Variants in JMJD1C observed in about 807,000 individuals in gnomAD.
JMJD1C encodes the protein jumonji domain containing 1C.
JMJD1C carries 31 observed loss-of-function variants against 245.3 expected under a neutral mutation model. That is an observed-to-expected ratio of 0.13 (90% CI 0.09 to 0.17). The LOEUF is 0.17. JMJD1C is among the 10% of genes least tolerant of loss of function. JMJD1C has a pLI of 1.00. For missense variants in JMJD1C, 2,691 were observed against 3,000.2 expected, an observed-to-expected ratio of 0.90 and a Z score of 2.41; for synonymous variants, 1,057 against 1,017.4, an observed-to-expected ratio of 1.04 and a Z score of -0.74.
rs766259232 is a variant in JMJD1C at position 63,177,713 on chromosome 10, A to T, written c.7224+4T>A. 1 of 1,613,874 alleles carries T rather than the reference A, an allele frequency of 6.2e-7. No homozygotes were observed. The highest frequency in any genetic ancestry group is 8.5e-7 in the Non-Finnish European group (1 of 1,179,876). On this transcript the variant is annotated splice_donor_region_variant and intron_variant, in intron 23 of 25. Transcript: ENST00000399262. Reference sequence around the variant, plus strand: ...AGAGATATTATTTGCAAACTAACTTATACCTTTTGAAGAAATTCCCTTATC... The same window carrying T: ...AGAGATATTATTTGCAAACTAACTTTTACCTTTTGAAGAAATTCCCTTATC...
chr10:63,380,332 G>C lies in JMJD1C; in HGVS notation c.319C>G (p.Gln107Glu), dbSNP rs1364246318. The C allele has an allele frequency of 1.9e-6, 3 of 1,613,952 alleles. No individual in the cohort carries two copies. The highest frequency in any genetic ancestry group is 2.2e-5 in the South Asian group (2 of 91,072). Residue 107 changes from glutamine to glutamate, a missense_variant, in exon 2 of 26, where the codon CAG (glutamine) becomes GAG (glutamate). By Grantham distance (29) the Gln-to-Glu change is conservative (BLOSUM62 2). Coordinates refer to ENST00000399262, the MANE Select transcript of JMJD1C (RefSeq NM_032776.3). ...QTQGSKSKQI[Q>E]WPALTFKPLV... ...ATAGATCTTACCAATGCAGGCCACT[G>C]AATCTGTTTGCTCTTTGATCCCTGA...
intron 2 of JMJD1C, among the ~76,000 whole-genome samples, chr10:63,344,744 A>C (rs1943665800): frequency 6.6e-6 from 1 of 152,124 alleles, no homozygotes; most frequent in Non-Finnish European, 1.5e-5. Flanking sequence ...CAAAAAAAAA[A>C]TAGACGGTAA....
chr10:63,473,818 G>A (rs1362169538), intron 1 of JMJD1C, among the ~76,000 whole-genome samples: 4 of 151,718 alleles, frequency 2.6e-5, no homozygotes, highest in Admixed American at 6.6e-5. Flanking sequence ...CAAGGCGGGC[G>A]GATCACCTGA....
intron 3 of JMJD1C, among the ~76,000 whole-genome samples, chr10:63,247,688 A>C (rs1272942650): frequency 2.2e-5 from 3 of 134,010 alleles, no homozygotes; most frequent in Non-Finnish European, 4.7e-5. Context: ...GCCAAGACTG[A>C]GCCACCGCAC....
intron 2 of JMJD1C, among the ~76,000 whole-genome samples, chr10:63,278,092 AACTTG>A (rs993718079): frequency 6.6e-5 from 10 of 152,088 alleles, no homozygotes; most frequent in Admixed American, 3.3e-4. Context: ...AGCTTTAAGG[AACTTG>A]ACTTAAACAA....
intron 2 of JMJD1C, among the ~76,000 whole-genome samples, chr10:63,351,938 C>G (rs1046066683): frequency 1.3e-5 from 2 of 152,326 alleles, no homozygotes; most frequent in Middle Eastern, 3.4e-3. Context: ...CCCAGATATA[C>G]AGCAGACACA....
chr10:63,237,974 G>C (rs1236971960), intron 3 of JMJD1C, among the ~76,000 whole-genome samples: 1 of 122,922 alleles, frequency 8.1e-6, no homozygotes, highest in Non-Finnish European at 1.6e-5. Flanking sequence ...TTAGAGACCA[G>C]CCTGGCCAAC....
rs1342494926 is a variant in JMJD1C, at chr10:63,193,442, G to C, written c.5765C>G (p.Thr1922Ser). 1.3e-6 allele frequency: 2 copies of C among 1,596,622 alleles called. No individual in the cohort carries two copies. The highest frequency in any genetic ancestry group is 1.1e-5 in the South Asian group (1 of 88,736). Residue 1922 changes from threonine to serine, a missense_variant, in exon 15 of 26, where the codon ACT becomes AGT. Physicochemically the swap from Thr to Ser is moderately conservative, Grantham distance 58. This residue lies in a region of JMJD1C where 275 missense variants were observed against 285.5 expected (regional missense o/e 0.96). Transcript: ENST00000399262. ...TTTAATACCATATTTTTCCCTAAGA[G>C]TGTGCATGGCATCTAGAAGATCTGT... ...VLTDLLDAMHTLREKYGIKSH... is the reference protein window; with the variant it reads ...VLTDLLDAMHSLREKYGIKSH...
chr10:63,446,616 A>C (rs1951734515), intron 1 of JMJD1C, among the ~76,000 whole-genome samples: 3 of 152,238 alleles, frequency 2.0e-5, no homozygotes, highest in African/African-American at 7.2e-5. Flanking sequence ...AGAAAGACAG[A>C]TACGAGAAAA....
chr10:63,468,253 A>T (rs933289880), upstream of JMJD1C, among the ~76,000 whole-genome samples: 7 of 152,226 alleles, frequency 4.6e-5, no homozygotes, highest in Non-Finnish European at 1.0e-4. Context: ...CCTTGACTAC[A>T]GCCAATGCCT....
At position 63,436,161 on chromosome 10, in the gene JMJD1C, AG is replaced by A. The variant is rs796920640; in HGVS notation, c.168+29333del. On this transcript the variant is annotated intron_variant, in intron 1 of 25. Coordinates refer to ENST00000399262, the MANE Select transcript of JMJD1C (RefSeq NM_032776.3). ...TATGAGGAGGGAGGAGGTGTTAAAG[AG>A]TATTAAAAATGCATATTTAAGTAGT... Among the ~76,000 whole-genome samples, 12 of 152,358 alleles carry A rather than the reference AG, an allele frequency of 7.9e-5. 1 individual carries two copies. Among genetic ancestry groups the A allele is most frequent in the African/African-American group, 2.9e-4 (12 of 41,588 alleles).
intron 1 of JMJD1C, among the ~76,000 whole-genome samples, chr10:63,438,952 T>C (rs1431952658): frequency 2.0e-5 from 3 of 152,224 alleles, no homozygotes; most frequent in Admixed American, 6.5e-5. Context: ...TGTCTCTCCT[T>C]CCATAAACTG....
In JMJD1C at chr10:63,380,393, G is replaced by C. The variant is rs781497575; in HGVS notation, c.258C>G (p.His86Gln). The change falls in exon 2 of 26, where the codon CAC becomes CAG. Residue 86 changes from histidine (H) to glutamine (Q), a missense_variant. By Grantham distance (24) the His-to-Gln change is conservative. Coordinates refer to ENST00000399262, the MANE Select transcript of JMJD1C (RefSeq NM_032776.3). The stretch of plus-strand genomic sequence containing the variant: ...GGTCATTCCTTTTGGCCCAGATTAA[G>C]TGGTATTCCACCAAGAAAGTTGAAA... ...EDFSTFLVEY[H>Q]LIWAKRNDPS... The C allele has an allele frequency of 9.9e-6, 16 of 1,613,956 alleles. No individual in the cohort carries two copies. Among genetic ancestry groups the C allele is most frequent in the Non-Finnish European group, 1.3e-5 (15 of 1,179,918 alleles).
upstream of JMJD1C, chr10:63,466,010 G>A (rs1384185928): frequency 7.7e-6 from 2 of 258,406 alleles, no homozygotes; most frequent in Non-Finnish European, 1.5e-5. Flanking sequence ...GCGGCGGCGC[G>A]CAGCGCGTCT....
In JMJD1C at chr10:63,167,525, A is replaced by ATACTT. The variant is rs1186394034; in HGVS notation, c.*515_*519dup. ...TGTCTGTATTTAGTATCTACTTTAT[A>ATACTT]TACTTTATACTTTACAAATTTTACA... is the stretch of plus-strand genomic sequence containing the variant. On this transcript the variant is annotated 3_prime_UTR_variant, in exon 26 of 26. Coordinates refer to ENST00000399262, the MANE Select transcript of JMJD1C (RefSeq NM_032776.3). 1 of 150,086 alleles carries ATACTT rather than the reference A, an allele frequency of 6.7e-6. No individual in the cohort carries two copies. The highest frequency in any genetic ancestry group is 1.5e-5 in the Non-Finnish European group (1 of 66,412). 9.3% of individuals were successfully genotyped at this position (150,086 alleles called of 1,614,324 possible).
At chr10:63,307,416 T>C (rs1205211411) in intron 2 of JMJD1C, among the ~76,000 whole-genome samples, 1 of 152,232 alleles carries the variant, frequency 6.6e-6, no homozygotes, top group East Asian at 1.9e-4. Flanking sequence ...TATACGTCTA[T>C]GTAATTTCAG....
At chr10:63,202,106 T>C (rs1846083142) in intron 10 of JMJD1C, among the ~76,000 whole-genome samples, 1 of 151,674 alleles carries the variant, frequency 6.6e-6, no homozygotes, top group Non-Finnish European at 1.5e-5. Flanking sequence ...ATACAAAAAT[T>C]AGCCAGGCGC....
intron 1 of JMJD1C, among the ~76,000 whole-genome samples, chr10:63,428,923 C>T (rs754309752): frequency 1.3e-5 from 2 of 152,106 alleles, no homozygotes; most frequent in Non-Finnish European, 2.9e-5. Context: ...CATAAAATCT[C>T]TGGCTTAAAA....
In JMJD1C at chr10:63,215,285, T is replaced by A. The variant is rs1471566751; in HGVS notation, c.993A>T (p.Lys331Asn). 11 of 1,613,894 alleles carry A rather than the reference T, an allele frequency of 6.8e-6. No individual in the cohort carries two copies. Among genetic ancestry groups the A allele is most frequent in the Non-Finnish European group, 9.3e-6 (11 of 1,179,944 alleles). The change falls in exon 7 of 26, where the codon AAA (lysine) becomes AAT (asparagine). Residue 331 changes from lysine to asparagine, a missense_variant. By Grantham distance (94) the Lys-to-Asn change is moderately conservative. Transcript: ENST00000399262. ...TACCTCCTCGTGATATATAATCATA[T>A]TTTTCCTCCTTCATCTTCTCTTCAT... is the stretch of plus-strand genomic sequence containing the variant. Reference protein sequence around the residue: ...IPDEEKMKEEKYDYISRGENP... With the variant: ...IPDEEKMKEENYDYISRGENP...
Sources: gnomAD v4.1 joint callset for allele counts (sites outside exome capture counted in the v4.1 genomes callset) on GRCh38, gnomAD v4.1.1 for gene constraint, gnomAD v4.1.1 regional missense constraint, MANE v1.5 for transcripts, NCBI Gene and HGNC (gene_info 2026-07-23, HGNC 2026-07-21) for gene names.